UBXN7: variants seen among roughly 807,000 people sequenced by gnomAD.
UBXN7 encodes UBX domain protein 7, also known as UBX domain-containing protein 7.
UBXN7 carries 9 observed loss-of-function variants against 58.0 expected under a neutral mutation model. The observed-to-expected ratio is 0.16, with a 90% CI of 0.09 to 0.27. The LOEUF (loss-of-function observed/expected upper bound fraction) is 0.27, where lower values mean the gene tolerates loss of function less well. UBXN7 is among the 10% of genes least tolerant of loss of function. UBXN7 has a pLI of 1.00. For synonymous variants in UBXN7, 208 were observed against 205.0 expected (o/e 1.01, Z -0.12); for missense variants, 328 against 599.6 (o/e 0.55, Z 4.73).
At chr3:196,401,594 G>C (rs1729984790) in intron 3 of UBXN7, among the ~76,000 whole-genome samples, 1 of 149,848 alleles carries the variant, frequency 6.7e-6, no homozygotes, top group African/African-American at 2.4e-5. Context: ...GAAGGGAACA[G>C]ACACCAGGGC....
intron 10 of UBXN7, among the ~76,000 whole-genome samples, chr3:196,357,246 T>C (rs1728375219): frequency 6.6e-6 from 1 of 152,240 alleles, no homozygotes; most frequent in Admixed American, 6.5e-5. Flanking sequence ...CTGAATCTCT[T>C]CTTGCCTTCT....
intron 5 of UBXN7, 122 bp from the exon 6 acceptor site, chr3:196,372,164 C>T: frequency 9.4e-7 from 1 of 1,066,338 alleles, no homozygotes; most frequent in Non-Finnish European, 1.3e-6. Context: ...GATACGACAT[C>T]TAGAGTTTTC....
chr3:196,401,149 T>C (rs1729948835), intron 3 of UBXN7, among the ~76,000 whole-genome samples: 1 of 146,500 alleles, frequency 6.8e-6, no homozygotes, highest in South Asian at 2.2e-4. Context: ...TGGTGGCTCA[T>C]GCCTGTAATC....
chr3:196,385,690 CA>C (rs1271067917), intron 5 of UBXN7, among the ~76,000 whole-genome samples: 8 of 151,766 alleles, frequency 5.3e-5, no homozygotes, highest in African/African-American at 1.9e-4. Flanking sequence ...CTCTGCCCAG[CA>C]GCCGCCCCGT....
chr3:196,412,246 A>AG (rs1235363402), intron 1 of UBXN7, among the ~76,000 whole-genome samples: 5 of 104,672 alleles, frequency 4.8e-5, no homozygotes, highest in East Asian at 1.0e-3. Context: ...AAAAAAAAAA[A>AG]AAAGAAAAAA....
At chr3:196,417,757 A>C (rs1409791956) in intron 1 of UBXN7, among the ~76,000 whole-genome samples, 25 of 116,134 alleles carry the variant, frequency 2.2e-4, no homozygotes, top group African/African-American at 5.8e-4. Flanking sequence ...AAAAAAAAAA[A>C]CCATCTCTAC....
intron 5 of UBXN7, among the ~76,000 whole-genome samples, chr3:196,387,348 T>C (rs1729435627): frequency 6.6e-6 from 1 of 152,288 alleles, no homozygotes; most frequent in Middle Eastern, 3.4e-3. Context: ...GAAGAAAACC[T>C]AGGCAATACC....
rs149357628 is a variant in UBXN7, at chr3:196,417,045, G to A, written c.74-9652C>T. Among the ~76,000 whole-genome samples the A allele has an allele frequency of 8.7e-3, 1,320 of 152,314 alleles. 16 individuals are homozygous for A. Among genetic ancestry groups the A allele is most frequent in the African/African-American group, 0.03 (1,261 of 41,570 alleles). ...AAATAAATGTACACACAGGCGCGGC[G>A]GCTCACGCCTGTAATCCCAGAACTT... On this transcript the variant is annotated intron_variant, in intron 1 of 10. Coordinates refer to ENST00000296328, the MANE Select transcript of UBXN7 (RefSeq NM_015562.2).
chr3:196,367,943 A>C (rs1350604016), intron 8 of UBXN7, 85 bp downstream of exon 8: 2 of 1,526,740 alleles, frequency 1.3e-6, no homozygotes, highest in African/African-American at 2.8e-5. Flanking sequence ...GATTATCTTT[A>C]CCATCTTAAC....
rs1251283143 is a variant in UBXN7 at position 196,368,097 on chromosome 3, C to T, written c.765G>A (p.Thr255=). 9 of 1,613,948 alleles carry T rather than the reference C, an allele frequency of 5.6e-6. No homozygotes were observed. The highest frequency in any genetic ancestry group is 7.6e-6 in the Non-Finnish European group (9 of 1,179,978). Residue 255 remains threonine, a synonymous_variant, in exon 8 of 11, where the codon ACG becomes ACA. Transcript: ENST00000296328. ...LDVSSFLDQV[T]GFLGEHGQLD... ...GTTGTCCATGTTCACCCAGAAATCCCGTCACTTGGTCCAAGAAAGAAGATA... is the reference window on the plus strand; with the variant it reads ...GTTGTCCATGTTCACCCAGAAATCCTGTCACTTGGTCCAAGAAAGAAGATA...
At position 196,399,011 on chromosome 3, in the gene UBXN7, A is replaced by AT. The variant is rs558417815; in HGVS notation, c.289+3940dup. Among the ~76,000 whole-genome samples the AT allele has an allele frequency of 1.6e-4, 24 of 152,236 alleles. 1 individual carries two copies. In the South Asian group the frequency reaches 5.0e-3, roughly 32 times the overall value. ...AGTTGTATTGAAGTAACAAGCTCACATTTTCAAGAAAATGCCAACTGTCAA... is the reference window on the plus strand; with the variant it reads ...AGTTGTATTGAAGTAACAAGCTCACATTTTTCAAGAAAATGCCAACTGTCAA... On this transcript the variant is annotated intron_variant, in intron 3 of 10. Transcript: ENST00000296328.
chr3:196,385,734 C>T (rs760235342), intron 5 of UBXN7, among the ~76,000 whole-genome samples: 3 of 151,346 alleles, frequency 2.0e-5, no homozygotes, highest in South Asian at 2.1e-4. Flanking sequence ...GCCCGGCAGC[C>T]GCCCATCAGG....
At chr3:196,413,411 C>A (rs1425971650) in intron 1 of UBXN7, among the ~76,000 whole-genome samples, 1 of 152,058 alleles carries the variant, frequency 6.6e-6, no homozygotes, top group Admixed American at 6.5e-5. Flanking sequence ...AAAACAAACA[C>A]CCTTTTTGGG....
intron 3 of UBXN7, among the ~76,000 whole-genome samples, chr3:196,401,266 A>T (rs1435544179): frequency 2.3e-5 from 2 of 87,756 alleles, no homozygotes; most frequent in South Asian, 3.7e-4. Context: ...AAAAAAAAAA[A>T]AAAAAAAAAT....
intron 5 of UBXN7, among the ~76,000 whole-genome samples, chr3:196,382,824 T>C (rs540720206): frequency 7.9e-5 from 12 of 151,826 alleles, no homozygotes; most frequent in African/African-American, 2.9e-4. Context: ...GCAAAAAAAA[T>C]GCAGGGGTTG....
intron 3 of UBXN7, among the ~76,000 whole-genome samples, chr3:196,396,395 T>C (rs1270958859): frequency 3.7e-5 from 4 of 109,038 alleles, no homozygotes; most frequent in Non-Finnish European, 6.2e-5. Context: ...ACCCTGTCTC[T>C]TAAAAAAAAA....
chr3:196,360,935 G>C (rs114760042), intron 10 of UBXN7, among the ~76,000 whole-genome samples: 1,678 of 152,228 alleles, frequency 0.011, 25 homozygotes, highest in African/African-American at 0.037. Context: ...CCGGGGCGGG[G>C]AGTCAAGGTT....
At chr3:196,430,712 T>G (rs1297542076) in intron 1 of UBXN7, among the ~76,000 whole-genome samples, 1 of 152,140 alleles carries the variant, frequency 6.6e-6, no homozygotes, top group African/African-American at 2.4e-5. Flanking sequence ...AAACCATCTC[T>G]AGGAAATCTA....
chr3:196,361,037 AG>A (rs926245400), intron 10 of UBXN7, among the ~76,000 whole-genome samples: 1 of 152,194 alleles, frequency 6.6e-6, no homozygotes, highest in Non-Finnish European at 1.5e-5. Flanking sequence ...TCTTCTGGAA[AG>A]GATTCAGCAG....
Sources: allele counts gnomAD v4.1 joint callset (sites outside exome capture counted in the v4.1 genomes callset), GRCh38; gene constraint gnomAD v4.1.1; transcripts MANE v1.5; gene names NCBI Gene and HGNC (gene_info 2026-07-23, HGNC 2026-07-21).